The following CC2D2B variants were observed in gnomAD, a reference collection of about 807,000 sequenced individuals.
CC2D2B encodes the protein protein CC2D2B.
Under a neutral mutation model 161.2 loss-of-function variants are expected in CC2D2B, and 128 were observed. That is an observed-to-expected ratio of 0.79 (90% CI 0.69 to 0.92). The LOEUF is 0.92. Among genes scored for constraint, CC2D2B ranks in the 40% least tolerant of loss-of-function variants. The probability of loss-of-function intolerance (pLI) is 0.00; values close to 1 mark genes in which losing one functional copy is unlikely to be tolerated. For synonymous variants in CC2D2B, 391 were observed against 449.8 expected, an observed-to-expected ratio of 0.87 and a Z score of 1.65; for missense variants, 1,173 against 1,375.1, an observed-to-expected ratio of 0.85 and a Z score of 2.32.
chr10:95,936,412 G>A (rs1429804106), intron 6 of CC2D2B, among the ~76,000 whole-genome samples: 1 of 152,170 alleles, frequency 6.6e-6, no homozygotes, highest in African/African-American at 2.4e-5. Flanking sequence ...GCAACCCAGA[G>A]TGAGGCCTGG....
chr10:96,023,627 G>C (rs1024210032), intron 32 of CC2D2B, among the ~76,000 whole-genome samples: 2 of 152,184 alleles, frequency 1.3e-5, no homozygotes, highest in African/African-American at 2.4e-5. Flanking sequence ...TATCCTGTGT[G>C]AGATAGCTGC....
At chr10:95,995,859 C>G (rs945160148) in intron 23 of CC2D2B, among the ~76,000 whole-genome samples, 23 of 152,178 alleles carry the variant, frequency 1.5e-4, no homozygotes, top group Non-Finnish European at 2.8e-4. Flanking sequence ...AAAGATGTTT[C>G]TCTTATTTCT....
intron 9 of CC2D2B, among the ~76,000 whole-genome samples, chr10:95,939,754 T>G (rs2075958367): frequency 6.6e-6 from 1 of 152,216 alleles, no homozygotes; most frequent in Non-Finnish European, 1.5e-5. Flanking sequence ...TGAACACCTT[T>G]TCATGTCTGT....
At chr10:96,001,769 G>T (rs1286052169) in intron 24 of CC2D2B, among the ~76,000 whole-genome samples, 1 of 152,090 alleles carries the variant, frequency 6.6e-6, no homozygotes, top group Non-Finnish European at 1.5e-5. Context: ...TTCAACATAG[G>T]CTCAATTATA....
chr10:95,928,430 T>C (rs2141208192), intron 6 of CC2D2B, among the ~76,000 whole-genome samples: 1 of 152,264 alleles, frequency 6.6e-6, no homozygotes, highest in Non-Finnish European at 1.5e-5. Context: ...CTATTATACT[T>C]TAAGTTCTGG....
chr10:96,020,050 T>A, intron 32 of CC2D2B: 3 of 420,366 alleles, frequency 7.1e-6, no homozygotes, highest in Non-Finnish European at 1.3e-5. Context: ...CAAATTTAGA[T>A]GCTAAAATAG....
At chr10:95,921,353 A>G (rs1182156289) in intron 2 of CC2D2B, 5 of 152,322 alleles carry the variant, frequency 3.3e-5, no homozygotes, top group Non-Finnish European at 7.3e-5. Context: ...CCAAGTGCAC[A>G]GATTCTCTCT....
At chr10:95,958,444 A>G (rs981188835) in intron 11 of CC2D2B, among the ~76,000 whole-genome samples, 1 of 152,208 alleles carries the variant, frequency 6.6e-6, no homozygotes, top group African/African-American at 2.4e-5. Context: ...GTGAGCTGAG[A>G]TTGTGCCACT....
intron 29 of CC2D2B, 148 bp from the exon 30 acceptor site, chr10:96,016,053 T>C: frequency 4.8e-6 from 3 of 623,874 alleles, no homozygotes; most frequent in Non-Finnish European, 5.7e-6. Flanking sequence ...TGGAGCTGTC[T>C]GCTCTGCTGT....
intron 11 of CC2D2B, among the ~76,000 whole-genome samples, chr10:95,956,242 T>C (rs957726580): frequency 6.6e-6 from 1 of 152,110 alleles, no homozygotes; most frequent in Non-Finnish European, 1.5e-5. Flanking sequence ...AGATATAACA[T>C]TTTAAGGAAC....
At chr10:96,014,496 T>C (rs761993504) in intron 29 of CC2D2B, among the ~76,000 whole-genome samples, 6 of 152,208 alleles carry the variant, frequency 3.9e-5, no homozygotes, top group Non-Finnish European at 5.9e-5. Flanking sequence ...ACCATGAGTG[T>C]ATGACTGATT....
intron 1 of CC2D2B, among the ~76,000 whole-genome samples, chr10:95,910,404 C>A (rs994706281): frequency 5.3e-5 from 8 of 152,128 alleles, no homozygotes; most frequent in African/African-American, 1.9e-4. Context: ...AGCTTACAAT[C>A]ATGGTGGAAG....
At chr10:95,988,648 C>T (rs191430474) in intron 20 of CC2D2B, among the ~76,000 whole-genome samples, 283 of 152,236 alleles carry the variant, frequency 1.9e-3, no homozygotes, top group Admixed American at 3.5e-3. Context: ...AGCATTTTGC[C>T]AGAACTCATA....
chr10:95,951,224 C>T (rs1208587433), intron 10 of CC2D2B, among the ~76,000 whole-genome samples: 1 of 151,982 alleles, frequency 6.6e-6, no homozygotes, highest in Non-Finnish European at 1.5e-5. Flanking sequence ...TCAATCATGG[C>T]TCACTGCAGC....
intron 15 of CC2D2B, among the ~76,000 whole-genome samples, chr10:95,970,432 A>G (rs2077086553): frequency 6.6e-6 from 1 of 152,066 alleles, no homozygotes; most frequent in African/African-American, 2.4e-5. Flanking sequence ...TCCTACCTCT[A>G]AGCTTTTGTA....
chr10:95,957,878 A>T (rs561417024), intron 11 of CC2D2B, among the ~76,000 whole-genome samples: 41 of 151,712 alleles, frequency 2.7e-4, no homozygotes, highest in Middle Eastern at 3.4e-3. Context: ...AAAAAAAAAA[A>T]AATAACAATA....
Position 96,008,168 on chromosome 10 carries a change from C to CTTT in CC2D2B, c.2947-1643_2947-1641dup, listed in dbSNP as rs56354333. Among the ~76,000 whole-genome samples the CTTT allele has an allele frequency of 5.5e-3, 714 of 130,322 alleles. 5 individuals are homozygous for CTTT. Among genetic ancestry groups the CTTT allele is most frequent in the East Asian group, 0.019 (86 of 4,474 alleles). The allele number at this position is 130,322 out of a possible 152,430, so 85.5% of individuals were successfully genotyped here. On this transcript the variant is annotated intron_variant, in intron 25 of 34. Coordinates refer to ENST00000646931, the MANE Select transcript of CC2D2B (RefSeq NM_001349008.3). Reference sequence around the variant, plus strand: ...AAAATGGAATCCTATGGTATGTGTTCTTTTTTTTTTTTTTTTGGTTTTGCT... The same window carrying CTTT: ...AAAATGGAATCCTATGGTATGTGTTCTTTTTTTTTTTTTTTTTTTGGTTTTGCT...
chr10:95,973,250 G>A (rs193020513), intron 16 of CC2D2B, among the ~76,000 whole-genome samples: 2 of 152,134 alleles, frequency 1.3e-5, no homozygotes, highest in East Asian at 3.9e-4. Flanking sequence ...AAAGACTCAG[G>A]ACTCAAAAAA....
chr10:96,030,275 G>A (rs2080010376), intron 34 of CC2D2B, among the ~76,000 whole-genome samples: 1 of 151,934 alleles, frequency 6.6e-6, no homozygotes, highest in Non-Finnish European at 1.5e-5. Flanking sequence ...AACTCAGCAA[G>A]TCCATAAACA....
Sources: allele counts gnomAD v4.1 joint callset (sites outside exome capture counted in the v4.1 genomes callset), GRCh38; gene constraint gnomAD v4.1.1; transcripts MANE v1.5; gene names NCBI Gene and HGNC (gene_info 2026-07-23, HGNC 2026-07-21).